MTHFD2: variants seen among roughly 807,000 people sequenced by gnomAD.
MTHFD2 encodes bifunctional methylenetetrahydrofolate dehydrogenase/cyclohydrolase, mitochondrial.
Under a neutral mutation model 36.8 loss-of-function variants are expected in MTHFD2, and 26 were observed. The observed-to-expected ratio is 0.71, with a 90% CI of 0.52 to 0.98. The LOEUF is 0.98. Ranked by LOEUF, MTHFD2 falls within the 50% of genes least tolerant of loss-of-function variation. MTHFD2 has a pLI of 0.00. For synonymous variants in MTHFD2, 164 were observed against 155.2 expected (o/e 1.06, Z -0.42); for missense variants, 373 against 434.0 (o/e 0.86, Z 1.25).
intron 3 of MTHFD2, 96 bp from the exon 4 acceptor site, chr2:74,208,473 G>A (rs1694232000): frequency 2.1e-6 from 3 of 1,398,098 alleles, no homozygotes; most frequent in East Asian, 2.3e-5. Flanking sequence ...GCAAGCTGTA[G>A]AAGAATAGAT....
At chr2:74,207,906 A>G in intron 3 of MTHFD2, 80 bp downstream of exon 3, 1 of 1,299,568 alleles carries the variant, frequency 7.7e-7, no homozygotes. Context: ...CTCCCTCCCC[A>G]TCCCCCTCCT....
rs1694441408 is a variant in MTHFD2, at chr2:74,216,239, A to G, written c.*1997A>G. On this transcript the variant is annotated 3_prime_UTR_variant, in exon 8 of 8. Transcript: ENST00000394053. ...TACCTAGATTATTAAATGTGGAGCA[A>G]GATGACCAGACAGGATTAAATTTTA... is the stretch of plus-strand genomic sequence containing the variant. 6.6e-6 allele frequency: 1 copy of G among 152,248 alleles called. No individual in the cohort carries two copies. Among genetic ancestry groups the G allele is most frequent in the Non-Finnish European group, 1.5e-5 (1 of 68,040 alleles). 9.4% of individuals were successfully genotyped at this position (152,248 alleles called of 1,614,324 possible).
intron 1 of MTHFD2, among the ~76,000 whole-genome samples, chr2:74,199,707 CAAAAAAAAA>C (rs34436782): frequency 2.0e-4 from 21 of 103,632 alleles, no homozygotes; most frequent in Admixed American, 8.1e-4. Flanking sequence ...GACCCTGTCT[CAAAAAAAAA>C]AAAAAAAAAA....
chr2:74,212,747 T>G (rs1170760683), intron 7 of MTHFD2, among the ~76,000 whole-genome samples: 1 of 152,164 alleles, frequency 6.6e-6, no homozygotes, highest in African/African-American at 2.4e-5. Context: ...GTTTGAAAAT[T>G]TGATGAAGTG....
intron 7 of MTHFD2, among the ~76,000 whole-genome samples, chr2:74,213,663 T>A (rs1694361822): frequency 6.6e-6 from 1 of 152,248 alleles, no homozygotes; most frequent in South Asian, 2.1e-4. Context: ...ATGTAAGGAT[T>A]TTCACTTTAA....
chr2:74,214,288 G>A lies in MTHFD2; in HGVS notation c.*46G>A. ...CAAACAGCACTCCAGGCCAGCTCAA[G>A]AAGCAAAGCAGGCCAATAGAAATGC... On this transcript the variant is annotated 3_prime_UTR_variant, in exon 8 of 8. Transcript: ENST00000394053. 6.3e-7 allele frequency: 1 copy of A among 1,582,338 alleles called. No homozygotes were observed. Among genetic ancestry groups the A allele is most frequent in the Non-Finnish European group, 8.6e-7 (1 of 1,162,566 alleles).
intron 7 of MTHFD2, among the ~76,000 whole-genome samples, chr2:74,212,468 A>G (rs545089156): frequency 5.9e-5 from 9 of 151,352 alleles, no homozygotes; most frequent in African/African-American, 2.2e-4. Context: ...GGGTTTCACC[A>G]TGTTGGCCAG....
intron 4 of MTHFD2, 93 bp downstream of exon 4, chr2:74,208,814 C>T: frequency 7.8e-7 from 1 of 1,287,884 alleles, no homozygotes; most frequent in South Asian, 1.4e-5. Context: ...AGAGTGGAAA[C>T]CCTACTGCAT....
intron 2 of MTHFD2, chr2:74,206,153 G>A (rs538505048): frequency 3.4e-6 from 1 of 296,056 alleles, no homozygotes; most frequent in African/African-American, 2.1e-5. Context: ...CTTTATATTT[G>A]ATAGGTGACC....
chr2:74,203,931 T>TA (rs1290142533), intron 1 of MTHFD2, among the ~76,000 whole-genome samples: 1 of 150,986 alleles, frequency 6.6e-6, no homozygotes, highest in African/African-American at 2.4e-5. Context: ...TTTAGTTTTT[T>TA]GAGATGCAGT....
At chr2:74,201,577 C>T (rs1694043748) in intron 1 of MTHFD2, among the ~76,000 whole-genome samples, 1 of 151,958 alleles carries the variant, frequency 6.6e-6, no homozygotes, top group African/African-American at 2.4e-5. Flanking sequence ...GTTGCCCACG[C>T]TAGTCTTGAA....
intron 1 of MTHFD2, among the ~76,000 whole-genome samples, chr2:74,201,502 G>A (rs931168477): frequency 2.0e-5 from 3 of 151,344 alleles, no homozygotes; most frequent in African/African-American, 4.8e-5. Flanking sequence ...GACCACAGGA[G>A]CATACCACCA....
intron 5 of MTHFD2, 68 bp from the exon 6 acceptor site, chr2:74,211,131 A>C (rs893204050): frequency 2.0e-6 from 2 of 983,960 alleles, no homozygotes; most frequent in Admixed American, 3.6e-5. Flanking sequence ...CAATGACTTG[A>C]CTAGTTGAGA....
At chr2:74,201,958 CT>C (rs532786535) in intron 1 of MTHFD2, among the ~76,000 whole-genome samples, 177 of 141,628 alleles carry the variant, frequency 1.2e-3, no homozygotes, top group Middle Eastern at 7.3e-3. Flanking sequence ...TCTTTCTTTT[CT>C]TTTTTTTTTT....
chr2:74,214,380 G>T lies in MTHFD2; in HGVS notation c.*138G>T. The T allele has an allele frequency of 1.0e-6, 1 of 993,856 alleles. No individual in the cohort carries two copies. The highest frequency in any genetic ancestry group is 1.7e-5 in the South Asian group (1 of 59,878). 61.6% of individuals were successfully genotyped at this position (993,856 alleles called of 1,614,324 possible). ...CCTTGTATTTATTGAAAGCTTAAAT[G>T]GGTGGGTGTTTCTGCACATACCTCT... On this transcript the variant is annotated 3_prime_UTR_variant, in exon 8 of 8. Transcript: ENST00000394053.
chr2:74,204,160 C>G (rs1694124366), intron 1 of MTHFD2, among the ~76,000 whole-genome samples: 1 of 152,076 alleles, frequency 6.6e-6, no homozygotes, highest in African/African-American at 2.4e-5. Flanking sequence ...GCAATCCACC[C>G]TCCTCGGCCT....
chr2:74,209,489 G>A (rs1162829043), intron 4 of MTHFD2, among the ~76,000 whole-genome samples: 1 of 151,606 alleles, frequency 6.6e-6, no homozygotes, highest in African/African-American at 2.4e-5. Context: ...CTGACCTTGT[G>A]ATCCACCTGC....
chr2:74,201,244 T>C (rs938056676), intron 1 of MTHFD2, among the ~76,000 whole-genome samples: 4 of 152,158 alleles, frequency 2.6e-5, no homozygotes, highest in Non-Finnish European at 4.4e-5. Context: ...CACCTTGACC[T>C]CCCAAAATGC....
chr2:74,211,518 T>C (rs1694302867), intron 6 of MTHFD2: 2 of 479,712 alleles, frequency 4.2e-6, no homozygotes, highest in East Asian at 3.3e-5. Flanking sequence ...AATATTTATA[T>C]TAATATTTAC....
Sources: allele counts gnomAD v4.1 joint callset (sites outside exome capture counted in the v4.1 genomes callset), GRCh38; gene constraint gnomAD v4.1.1; transcripts MANE v1.5; gene names NCBI Gene and HGNC (gene_info 2026-07-23, HGNC 2026-07-21).